Variants in CDH12 observed in about 807,000 individuals in gnomAD.
CDH12 encodes cadherin 12.
CDH12 carries 41 observed loss-of-function variants against 74.1 expected under a neutral mutation model. The ratio of observed to expected loss-of-function variants is 0.55; its 90% confidence interval spans 0.43 to 0.72. The LOEUF is 0.72. Among genes scored for constraint, CDH12 ranks in the 30% least tolerant of loss-of-function variants. The pLI is 0.00. For missense variants in CDH12, 945 were observed against 977.2 expected (o/e 0.97, Z 0.44); for synonymous variants, 399 against 355.0 (o/e 1.12, Z -1.39).
intron 1 of CDH12, among the ~76,000 whole-genome samples, chr5:22,838,212 C>T (rs774973254): frequency 2.6e-5 from 4 of 152,100 alleles, no homozygotes; most frequent in East Asian, 1.9e-4. Flanking sequence ...GCTGTAGACC[C>T]GTAGAAGTAG....
chr5:22,251,600 A>C (rs1753135359), intron 3 of CDH12, among the ~76,000 whole-genome samples: 1 of 152,214 alleles, frequency 6.6e-6, no homozygotes, highest in African/African-American at 2.4e-5. Flanking sequence ...GATGCTGTGT[A>C]TTAAAATGAC....
intron 2 of CDH12, among the ~76,000 whole-genome samples, chr5:22,438,020 T>A (rs1744475218): frequency 6.6e-6 from 1 of 152,030 alleles, no homozygotes; most frequent in African/African-American, 2.4e-5. Context: ...ACTCCATAAT[T>A]TTTTTAGGGA....
At chr5:22,439,898 G>A (rs907619244) in intron 2 of CDH12, among the ~76,000 whole-genome samples, 2 of 151,806 alleles carry the variant, frequency 1.3e-5, no homozygotes, top group Non-Finnish European at 1.5e-5. Flanking sequence ...CATATAATAG[G>A]GAGCTCTTTG....
chr5:21,948,959 C>T (rs1305443431), intron 6 of CDH12, among the ~76,000 whole-genome samples: 1 of 151,536 alleles, frequency 6.6e-6, no homozygotes, highest in Non-Finnish European at 1.5e-5. Flanking sequence ...AAGATGACTG[C>T]TTCCCATTTC....
intron 3 of CDH12, among the ~76,000 whole-genome samples, chr5:22,274,098 A>G (rs1736519467): frequency 1.3e-5 from 2 of 152,168 alleles, no homozygotes; most frequent in African/African-American, 2.4e-5. Context: ...CACATTATAT[A>G]TATTATTGTG....
intron 1 of CDH12, among the ~76,000 whole-genome samples, chr5:22,719,974 C>A (rs1242269733): frequency 6.6e-6 from 1 of 151,950 alleles, no homozygotes; most frequent in Non-Finnish European, 1.5e-5. Context: ...TGGGGCCATG[C>A]AATATGTGTT....
rs918472093 is a variant in CDH12, at chr5:22,228,409, T to G, written c.-332-15766A>C. Reference sequence around the variant, plus strand: ...TGCTATTTAATAAGACTATGAAGCTTTGCATAATTTTTTTGTAACTATGTT... The same window carrying G: ...TGCTATTTAATAAGACTATGAAGCTGTGCATAATTTTTTTGTAACTATGTT... On this transcript the variant is annotated intron_variant, in intron 3 of 14. Transcript: ENST00000382254. Among the ~76,000 whole-genome samples the G allele has an allele frequency of 3.6e-4, 55 of 152,252 alleles. 1 individual carries two copies. The highest frequency in any genetic ancestry group is 1.3e-3 in the African/African-American group (53 of 41,558).
At chr5:22,628,149 A>G (rs2126852286) in intron 1 of CDH12, among the ~76,000 whole-genome samples, 1 of 152,200 alleles carries the variant, frequency 6.6e-6, no homozygotes, top group East Asian at 1.9e-4. Context: ...ACCACAAAAT[A>G]ATAATGAGAG....
At chr5:22,506,018 A>G (rs1056568816) in intron 1 of CDH12, among the ~76,000 whole-genome samples, 2 of 152,074 alleles carry the variant, frequency 1.3e-5, no homozygotes, top group Non-Finnish European at 2.9e-5. Context: ...TGGTCAGCCG[A>G]CTGGAGTCCT....
At chr5:22,640,577 C>A (rs1739094978) in intron 1 of CDH12, among the ~76,000 whole-genome samples, 1 of 152,140 alleles carries the variant, frequency 6.6e-6, no homozygotes, top group Non-Finnish European at 1.5e-5. Flanking sequence ...TTGGCTGCTG[C>A]TGAATTTCCA....
At position 22,715,666 on chromosome 5, in the gene CDH12, T is replaced by C. The variant is rs530168702; in HGVS notation, c.-523+137392A>G. On this transcript the variant is annotated intron_variant, in intron 1 of 14. Coordinates refer to ENST00000382254, the MANE Select transcript of CDH12 (RefSeq NM_004061.5). ...AAATACAAAAATTAGCCAGGCGTGGTGTCAGGAGCCAGTAATCCCAGCTAC... is the reference window on the plus strand; with the variant it reads ...AAATACAAAAATTAGCCAGGCGTGGCGTCAGGAGCCAGTAATCCCAGCTAC... Among the ~76,000 whole-genome samples the C allele has an allele frequency of 2.0e-5, 3 of 151,474 alleles. 1 individual carries two copies. Among genetic ancestry groups the C allele is most frequent in the Admixed American group, 2.0e-4 (3 of 15,198 alleles).
chr5:21,759,060 C>G (rs1311008589), intron 13 of CDH12, among the ~76,000 whole-genome samples: 1 of 152,024 alleles, frequency 6.6e-6, no homozygotes, highest in African/African-American at 2.4e-5. Flanking sequence ...AAGCCCAAAC[C>G]TCAGCATCAT....
At chr5:22,596,681 G>A (rs1736622801) in intron 1 of CDH12, among the ~76,000 whole-genome samples, 1 of 152,076 alleles carries the variant, frequency 6.6e-6, no homozygotes, top group Admixed American at 6.6e-5. Flanking sequence ...TTTAACACAT[G>A]ATCTTAGCAA....
intron 1 of CDH12, among the ~76,000 whole-genome samples, chr5:22,802,745 A>G (rs1219591474): frequency 2.0e-5 from 3 of 152,192 alleles, no homozygotes; most frequent in Non-Finnish European, 4.4e-5. Context: ...TAAGTAGTGT[A>G]AATGACAACC....
At chr5:22,038,259 C>T (rs1739323161) in intron 5 of CDH12, among the ~76,000 whole-genome samples, 1 of 152,164 alleles carries the variant, frequency 6.6e-6, no homozygotes, top group South Asian at 2.1e-4. Context: ...CCCAACACCC[C>T]CAAGCTAAGC....
chr5:21,781,711 G>A (rs1038599628), intron 11 of CDH12, among the ~76,000 whole-genome samples: 5 of 135,438 alleles, frequency 3.7e-5, no homozygotes, highest in Admixed American at 1.6e-4. Context: ...GTGACAGAGT[G>A]AGACTATTAT....
chr5:21,761,785 G>GATAGATAGATA (rs1561161660), intron 12 of CDH12, among the ~76,000 whole-genome samples: 1 of 100,844 alleles, frequency 9.9e-6, no homozygotes, highest in African/African-American at 3.3e-5. Flanking sequence ...ATAGATAGAT[G>GATAGATAGATA]ATAGATATCA....
intron 6 of CDH12, among the ~76,000 whole-genome samples, chr5:21,871,170 TA>T (rs2150019151): frequency 1.3e-5 from 2 of 152,300 alleles, no homozygotes; most frequent in East Asian, 3.9e-4. Flanking sequence ...AGAATTCTCC[TA>T]GAAGAACTTA....
intron 1 of CDH12, among the ~76,000 whole-genome samples, chr5:22,728,714 A>G (rs931311911): frequency 6.6e-6 from 1 of 151,766 alleles, no homozygotes; most frequent in African/African-American, 2.4e-5. Context: ...TCAGCCTCCT[A>G]ATTTGCATAT....
Sources: gnomAD v4.1 joint callset for allele counts (sites outside exome capture counted in the v4.1 genomes callset) on GRCh38, gnomAD v4.1.1 for gene constraint, MANE v1.5 for transcripts, NCBI Gene and HGNC (gene_info 2026-07-23, HGNC 2026-07-21) for gene names.